CCDC171: variants seen among roughly 807,000 people sequenced by gnomAD.
The protein encoded by CCDC171 is coiled-coil domain containing 171, also known as coiled-coil domain-containing protein 171.
In CCDC171, 177 loss-of-function variants were observed where a neutral mutation model predicts 168.2. The observed-to-expected ratio is 1.05, with a 90% CI of 0.93 to 1.19. CCDC171 has a LOEUF of 1.19. Ranked by LOEUF, CCDC171 falls within the 50% of genes most tolerant of loss-of-function variation. The probability of loss-of-function intolerance (pLI) is 0.00; values close to 1 mark genes in which losing one functional copy is unlikely to be tolerated. For missense variants in CCDC171, 1,991 were observed against 1,539.0 expected, an observed-to-expected ratio of 1.29 and a Z score of -4.91; for synonymous variants, 687 against 540.8, an observed-to-expected ratio of 1.27 and a Z score of -3.75.
intron 21 of CCDC171, among the ~76,000 whole-genome samples, chr9:15,836,821 T>A (rs2060472022): frequency 1.3e-5 from 2 of 152,228 alleles, no homozygotes; most frequent in African/African-American, 4.8e-5. Flanking sequence ...ACCACCGATT[T>A]ACATCGTCAA....
the CCDC171 span, among the ~76,000 whole-genome samples, chr9:16,067,655 G>C: frequency 1.3e-5 from 2 of 152,154 alleles, no homozygotes; most frequent in Non-Finnish European, 2.9e-5. Context: ...TGTAAGGAAG[G>C]GATCCAGTTT....
intron 18 of CCDC171, among the ~76,000 whole-genome samples, chr9:15,753,895 C>G (rs1471068952): frequency 2.6e-5 from 4 of 152,118 alleles, no homozygotes; most frequent in African/African-American, 7.2e-5. Context: ...TATTATTGGA[C>G]TGACACAAAA....
At chr9:15,904,738 A>G (rs1290530502) in intron 24 of CCDC171, among the ~76,000 whole-genome samples, 3 of 151,180 alleles carry the variant, frequency 2.0e-5, no homozygotes, top group Non-Finnish European at 3.0e-5. Flanking sequence ...AATTGGATAA[A>G]GAGTCAAGAC....
chr9:15,952,138 AT>A (rs1384425135), intron 25 of CCDC171, among the ~76,000 whole-genome samples: 1 of 151,982 alleles, frequency 6.6e-6, no homozygotes, highest in African/African-American at 2.4e-5. Context: ...GAAAAGACGT[AT>A]TTTTTCCCCA....
intron 1 of CCDC171, among the ~76,000 whole-genome samples, chr9:15,559,565 T>A (rs1047102329): frequency 2.6e-5 from 4 of 152,148 alleles, no homozygotes; most frequent in Admixed American, 1.3e-4. Flanking sequence ...CCTGGCTTTT[T>A]TTTGTTTTCC....
intron 23 of CCDC171, among the ~76,000 whole-genome samples, chr9:15,850,962 G>A (rs56679179): frequency 7.9e-4 from 120 of 151,996 alleles, no homozygotes; most frequent in African/African-American, 2.5e-3. Context: ...TTTTAAACAC[G>A]TGTGTTTTCA....
the CCDC171 span, among the ~76,000 whole-genome samples, chr9:16,067,289 G>T: frequency 6.6e-6 from 1 of 151,788 alleles, no homozygotes; most frequent in Admixed American, 6.6e-5. Context: ...CATGTCCTCC[G>T]CCCACTTTTT....
chr9:15,657,006 A>G (rs1448323330), intron 7 of CCDC171, 121 bp from the exon 8 acceptor site: 2 of 473,620 alleles, frequency 4.2e-6, no homozygotes, highest in Admixed American at 3.9e-5. Context: ...TTGCAAAGAA[A>G]AAAAAAAATG....
intron 1 of CCDC171, among the ~76,000 whole-genome samples, chr9:16,046,369 T>C (rs1320182918): frequency 6.6e-6 from 1 of 152,172 alleles, no homozygotes; most frequent in East Asian, 1.9e-4. Context: ...TCTGCAGAGC[T>C]GTGGTTGTGT....
intron 21 of CCDC171, among the ~76,000 whole-genome samples, chr9:15,804,456 G>A (rs1330889224): frequency 1.6e-5 from 2 of 122,020 alleles, no homozygotes; most frequent in Non-Finnish European, 1.8e-5. Context: ...GAATTTTATC[G>A]AAGGCCTTTT....
At chr9:15,965,956 A>G (rs1830752315) in intron 25 of CCDC171, among the ~76,000 whole-genome samples, 1 of 152,228 alleles carries the variant, frequency 6.6e-6, no homozygotes, top group African/African-American at 2.4e-5. Flanking sequence ...CAAAATAACA[A>G]TAAAACACCA....
intron 18 of CCDC171, among the ~76,000 whole-genome samples, chr9:15,748,007 G>C (rs1158103495): frequency 6.6e-6 from 1 of 152,092 alleles, no homozygotes; most frequent in Non-Finnish European, 1.5e-5. Context: ...CTTGAAAAAA[G>C]GTTAGACGAG....
intron 23 of CCDC171, among the ~76,000 whole-genome samples, chr9:15,867,165 C>A (rs1214247739): frequency 6.6e-6 from 1 of 151,992 alleles, no homozygotes; most frequent in African/African-American, 2.4e-5. Context: ...AAGATGATTA[C>A]TTCTATTCTT....
At chr9:15,758,015 G>A (rs1312771174) in intron 18 of CCDC171, among the ~76,000 whole-genome samples, 2 of 152,326 alleles carry the variant, frequency 1.3e-5, no homozygotes, top group East Asian at 1.9e-4. Flanking sequence ...CTAGGGTGGT[G>A]TGGAAGGGAA....
At chr9:15,920,686 G>C (rs893456196) in intron 25 of CCDC171, among the ~76,000 whole-genome samples, 1 of 151,730 alleles carries the variant, frequency 6.6e-6, no homozygotes, top group African/African-American at 2.4e-5. Flanking sequence ...TGGCAGTGCA[G>C]CTGACAGTTG....
Position 15,943,951 on chromosome 9 carries a change from G to A in CCDC171, c.3753+23529G>A, listed in dbSNP as rs555548506. The stretch of plus-strand genomic sequence containing the variant: ...TGATTTTGAAGGAATGATAGGGCTT[G>A]AACAAGGAATTCCAGGCAGGGAGAA... On this transcript the variant is annotated intron_variant, in intron 25 of 25. Transcript: ENST00000380701. Among the ~76,000 whole-genome samples the A allele has an allele frequency of 2.0e-5, 3 of 152,104 alleles. No homozygotes were observed. The South Asian group carries it at 6.2e-4, about 32-fold the overall frequency.
At chr9:15,756,789 G>A (rs2056147809) in intron 18 of CCDC171, among the ~76,000 whole-genome samples, 1 of 152,176 alleles carries the variant, frequency 6.6e-6, no homozygotes, top group African/African-American at 2.4e-5. Context: ...CATGGGGGTG[G>A]TTTCCCACAT....
intron 3 of CCDC171, among the ~76,000 whole-genome samples, chr9:15,989,326 T>C (rs1362641150): frequency 6.6e-6 from 1 of 152,090 alleles, no homozygotes; most frequent in African/African-American, 2.4e-5. Flanking sequence ...GGATCTGGAG[T>C]GGACCTCCAG....
intron 24 of CCDC171, among the ~76,000 whole-genome samples, chr9:15,894,207 A>G (rs187496023): frequency 8.5e-5 from 13 of 152,290 alleles, no homozygotes; most frequent in African/African-American, 3.1e-4. Flanking sequence ...GTTCTTACTT[A>G]TAAGTGGGAA....
Sources: gnomAD v4.1 joint callset for allele counts (sites outside exome capture counted in the v4.1 genomes callset) on GRCh38, gnomAD v4.1.1 for gene constraint, MANE v1.5 for transcripts, NCBI Gene and HGNC (gene_info 2026-07-23, HGNC 2026-07-21) for gene names.